Variants in ANKFN1 observed in about 807,000 individuals in gnomAD.
ANKFN1 encodes ankyrin repeat and fibronectin type III domain containing 1.
Under a neutral mutation model 108.7 loss-of-function variants are expected in ANKFN1, and 74 were observed. That is an observed-to-expected ratio of 0.68 (90% CI 0.56 to 0.83). ANKFN1 has a LOEUF of 0.83. ANKFN1 is among the 40% of genes least tolerant of loss of function. The pLI is 0.00. For missense variants in ANKFN1, 1,505 were observed against 1,382.3 expected (o/e 1.09, Z -1.41); for synonymous variants, 547 against 516.2 (o/e 1.06, Z -0.81).
At chr17:56,111,944 C>A (rs970047340) in intron 4 of ANKFN1, among the ~76,000 whole-genome samples, 1 of 152,170 alleles carries the variant, frequency 6.6e-6, no homozygotes, top group Admixed American at 6.5e-5. Flanking sequence ...AGGGAGAAAT[C>A]TATGGTCTGA....
chr17:56,193,081 G>A (rs1376697835), intron 1 of ANKFN1, among the ~76,000 whole-genome samples: 16 of 89,792 alleles, frequency 1.8e-4, no homozygotes, highest in African/African-American at 8.7e-4. Context: ...CATAAAAAAT[G>A]ATGAGTTCAT....
chr17:56,439,705 G>T (rs1182065279), intron 8 of ANKFN1, among the ~76,000 whole-genome samples: 3 of 152,164 alleles, frequency 2.0e-5, no homozygotes, highest in African/African-American at 7.2e-5. Context: ...GGTGTCAAAT[G>T]ATGTGGAGAT....
intron 1 of ANKFN1, chr17:56,206,676 A>C (rs1914565615): frequency 6.6e-6 from 1 of 152,180 alleles, no homozygotes; most frequent in African/African-American, 2.4e-5. Flanking sequence ...CTGGGAGCAT[A>C]AATAATTGAA....
In ANKFN1 at chr17:56,457,733, G is replaced by A. The variant is rs114210470; in HGVS notation, c.1441-130G>A. On this transcript the variant is annotated intron_variant, in intron 13 of 20. Coordinates refer to ENST00000682825, the MANE Select transcript of ANKFN1 (RefSeq NM_001370326.1). Reference sequence around the variant, plus strand: ...GACAGAGATCAAAAAGTTGTTTCGTGTGTGTCTGAAAATGGACTGGAGAAT... The same window carrying A: ...GACAGAGATCAAAAAGTTGTTTCGTATGTGTCTGAAAATGGACTGGAGAAT... 8.1e-4 allele frequency: 580 copies of A among 713,204 alleles called. 2 individuals are homozygous for A. In the African/African-American group the frequency reaches 9.1e-3, roughly 11 times the overall value. The allele number at this position is 713,204 out of a possible 1,614,324, so 44.2% of individuals were successfully genotyped here.
intron 3 of ANKFN1, among the ~76,000 whole-genome samples, chr17:56,298,183 G>C (rs1380364842): frequency 6.6e-6 from 1 of 152,166 alleles, no homozygotes; most frequent in Non-Finnish European, 1.5e-5. Context: ...GAAAGCAATT[G>C]ATATAGAGCC....
chr17:56,050,021 G>A (rs1412569089), intron 4 of ANKFN1, among the ~76,000 whole-genome samples: 1 of 152,052 alleles, frequency 6.6e-6, no homozygotes, highest in Non-Finnish European at 1.5e-5. Flanking sequence ...GTGTAAAAGT[G>A]TTCCTATTTC....
intron 3 of ANKFN1, among the ~76,000 whole-genome samples, chr17:56,234,378 T>C (rs973932874): frequency 6.6e-6 from 1 of 151,918 alleles, no homozygotes; most frequent in Non-Finnish European, 1.5e-5. Flanking sequence ...GGTTAACAGG[T>C]ACATGTGCAG....
chr17:56,473,734 T>G (rs756163170), intron 15 of ANKFN1: 4 of 151,240 alleles, frequency 2.6e-5, no homozygotes, highest in Non-Finnish European at 4.4e-5. Flanking sequence ...TTCCCACACA[T>G]TTCTCAGGCT....
At chr17:56,324,016 G>T (rs540385769) in intron 3 of ANKFN1, among the ~76,000 whole-genome samples, 24 of 152,174 alleles carry the variant, frequency 1.6e-4, no homozygotes, top group Non-Finnish European at 3.4e-4. Context: ...AGATTCCAAG[G>T]CTGTACGGGA....
chr17:56,114,001 C>A (rs1247401224), intron 4 of ANKFN1, among the ~76,000 whole-genome samples: 1 of 152,112 alleles, frequency 6.6e-6, no homozygotes, highest in African/African-American at 2.4e-5. Context: ...ACAAAAATTT[C>A]GTTGCGTAGA....
At chr17:56,173,832 G>A (rs1910891826) in intron 1 of ANKFN1, among the ~76,000 whole-genome samples, 1 of 152,174 alleles carries the variant, frequency 6.6e-6, no homozygotes, top group Non-Finnish European at 1.5e-5. Context: ...GCACAGAGAA[G>A]ATACTCTATA....
chr17:56,496,202 A>G (rs2051196730), intron 19 of ANKFN1, among the ~76,000 whole-genome samples: 1 of 152,166 alleles, frequency 6.6e-6, no homozygotes, highest in Admixed American at 6.5e-5. Context: ...TTCAGTTAAG[A>G]CCTCTTCACG....
At chr17:56,155,414 T>C (rs1255396436) in intron 1 of ANKFN1, among the ~76,000 whole-genome samples, 1 of 152,246 alleles carries the variant, frequency 6.6e-6, no homozygotes, top group East Asian at 1.9e-4. Flanking sequence ...CAGCTGGTCC[T>C]AAGCCAGCCA....
chr17:56,089,782 G>A (rs1905378735), intron 4 of ANKFN1, among the ~76,000 whole-genome samples: 2 of 151,258 alleles, frequency 1.3e-5, no homozygotes, highest in African/African-American at 2.4e-5. Flanking sequence ...AGAAAGCCTG[G>A]TATTCGAACT....
chr17:56,088,524 T>A (rs950091712), intron 4 of ANKFN1, among the ~76,000 whole-genome samples: 1 of 150,826 alleles, frequency 6.6e-6, no homozygotes, highest in Non-Finnish European at 1.5e-5. Flanking sequence ...CTGGTGGCAG[T>A]CACCACACAT....
intron 17 of ANKFN1, among the ~76,000 whole-genome samples, chr17:56,481,082 C>CA (rs11439875): frequency 0.17 from 11,459 of 65,518 alleles, 1,248 homozygotes; most frequent in African/African-American, 0.32. Flanking sequence ...GTCTGGTCAG[C>CA]AAAAAAAAAA....
At chr17:56,345,099 T>G (rs187231333) in intron 4 of ANKFN1, among the ~76,000 whole-genome samples, 2 of 152,214 alleles carry the variant, frequency 1.3e-5, no homozygotes, top group Admixed American at 1.3e-4. Flanking sequence ...TGTGCCCATG[T>G]GTTCTCATTG....
intron 3 of ANKFN1, among the ~76,000 whole-genome samples, chr17:56,320,299 T>C (rs1332878380): frequency 1.3e-5 from 2 of 152,226 alleles, no homozygotes; most frequent in Admixed American, 6.5e-5. Context: ...CAATGCTACT[T>C]GTCTAGTATA....
intron 4 of ANKFN1, among the ~76,000 whole-genome samples, chr17:56,054,751 C>G (rs1401078435): frequency 2.6e-5 from 4 of 151,976 alleles, no homozygotes; most frequent in Non-Finnish European, 5.9e-5. Context: ...ATTAGCCAGA[C>G]TAATACAAGA....
Sources: allele counts gnomAD v4.1 joint callset (sites outside exome capture counted in the v4.1 genomes callset), GRCh38; gene constraint gnomAD v4.1.1; transcripts MANE v1.5; gene names NCBI Gene and HGNC (gene_info 2026-07-23, HGNC 2026-07-21).